Variants in NFATC3 observed in about 807,000 individuals in gnomAD.
The protein encoded by NFATC3 is nuclear factor of activated T cells 3.
Under a neutral mutation model 98.6 loss-of-function variants are expected in NFATC3, and 46 were observed. The ratio of observed to expected loss-of-function variants is 0.47; its 90% confidence interval spans 0.37 to 0.60. NFATC3 has a LOEUF of 0.60. NFATC3 is among the 20% of genes least tolerant of loss of function. The pLI, the probability that NFATC3 is intolerant of heterozygous loss-of-function variation, is 0.00. For missense variants in NFATC3, 1,256 were observed against 1,295.5 expected (o/e 0.97, Z 0.47); for synonymous variants, 512 against 472.2 (o/e 1.08, Z -1.09).
intron 8 of NFATC3, among the ~76,000 whole-genome samples, chr16:68,184,869 A>G (rs1192136737): frequency 1.3e-5 from 2 of 152,184 alleles, no homozygotes; most frequent in Non-Finnish European, 2.9e-5. Flanking sequence ...AAAGAGAGAG[A>G]AAGTTCTCTA....
chr16:68,114,890 G>A (rs1312266514), intron 1 of NFATC3, among the ~76,000 whole-genome samples: 1 of 152,054 alleles, frequency 6.6e-6, no homozygotes, highest in Non-Finnish European at 1.5e-5. Flanking sequence ...CACTTTTTAA[G>A]GAAATCGTTT....
At chr16:68,137,338 T>G in intron 3 of NFATC3, among the ~76,000 whole-genome samples, 1 of 152,166 alleles carries the variant, frequency 6.6e-6, no homozygotes, top group East Asian at 1.9e-4. Context: ...AGCCCAGGCC[T>G]TCACAGAGTC....
chr16:68,151,975 A>G (rs1487019615), intron 3 of NFATC3, among the ~76,000 whole-genome samples: 1 of 151,398 alleles, frequency 6.6e-6, no homozygotes, highest in Non-Finnish European at 1.5e-5. Flanking sequence ...AGGCTGAGGC[A>G]GGAGAATCAC....
chr16:68,109,957 T>G (rs891318091), intron 1 of NFATC3, among the ~76,000 whole-genome samples: 1 of 152,234 alleles, frequency 6.6e-6, no homozygotes, highest in African/African-American at 2.4e-5. Context: ...ATTTGATTCT[T>G]GTCTCTTTTC....
chr16:68,154,066 AC>A (rs2038483128), intron 3 of NFATC3, among the ~76,000 whole-genome samples: 2 of 151,970 alleles, frequency 1.3e-5, no homozygotes, highest in Non-Finnish European at 2.9e-5. Context: ...ACAGGAGCAC[AC>A]CACCATGCTC....
intron 1 of NFATC3, among the ~76,000 whole-genome samples, chr16:68,108,140 C>G (rs1433851788): frequency 6.6e-6 from 1 of 152,138 alleles, no homozygotes; most frequent in Admixed American, 6.6e-5. Context: ...ATCAAGAAAT[C>G]TTTGCCCATG....
At chr16:68,114,157 A>G (rs936959743) in intron 1 of NFATC3, among the ~76,000 whole-genome samples, 1 of 152,174 alleles carries the variant, frequency 6.6e-6, no homozygotes, top group Non-Finnish European at 1.5e-5. Context: ...GCAGGGTAGC[A>G]CAGTTACTCA....
At chr16:68,219,157 G>A (rs13339644) in intron 9 of NFATC3, among the ~76,000 whole-genome samples, 4,148 of 151,800 alleles carry the variant, frequency 0.027, 182 homozygotes, top group African/African-American at 0.093. Context: ...AGGCTGAAGC[G>A]GGCAGATCAC....
chr16:68,089,365 C>T (rs1306648048), intron 1 of NFATC3: 6 of 844,198 alleles, frequency 7.1e-6, no homozygotes, highest in Non-Finnish European at 7.1e-6. Context: ...TTTAAGACTA[C>T]TGTTTGCGAG....
intron 1 of NFATC3, among the ~76,000 whole-genome samples, chr16:68,092,149 T>C (rs1011037727): frequency 1.1e-4 from 16 of 152,174 alleles, no homozygotes; most frequent in African/African-American, 3.4e-4. Flanking sequence ...TTCTAGTTAA[T>C]ATTAGTTAAT....
rs2040403741 is a variant in NFATC3, at chr16:68,190,956, C to T, written c.2287C>T (p.His763Tyr). The change falls in exon 9 of 10, where the codon CAT (histidine) becomes TAT (tyrosine). Residue 763 changes from histidine to tyrosine, a missense_variant. His to Tyr is a moderately conservative substitution (Grantham distance 83). This residue lies in a region of NFATC3 where 636 missense variants were observed against 617.3 expected (regional missense o/e 1.03). Coordinates refer to ENST00000346183, the MANE Select transcript of NFATC3 (RefSeq NM_173165.3). Reference sequence around the variant, plus strand: ...ATATGCATCCATGGTGACCTCATCCCATCTGCCACAGTTGCAGTGTAGAGA... The same window carrying T: ...ATATGCATCCATGGTGACCTCATCCTATCTGCCACAGTTGCAGTGTAGAGA... Reference protein sequence around the residue: ...QTYASMVTSSHLPQLQCRDES... With the variant: ...QTYASMVTSSYLPQLQCRDES... The T allele has an allele frequency of 1.9e-6, 3 of 1,614,220 alleles. No homozygotes were observed. The highest frequency in any genetic ancestry group is 4.5e-5 in the East Asian group (2 of 44,886).
intron 6 of NFATC3, among the ~76,000 whole-genome samples, chr16:68,180,252 A>G (rs1369557346): frequency 6.6e-6 from 1 of 152,242 alleles, no homozygotes; most frequent in Non-Finnish European, 1.5e-5. Flanking sequence ...AACATCTGAA[A>G]TATAATCTCA....
At chr16:68,146,698 T>A (rs1240682250) in intron 3 of NFATC3, among the ~76,000 whole-genome samples, 6 of 152,264 alleles carry the variant, frequency 3.9e-5, no homozygotes, top group Non-Finnish European at 5.9e-5. Flanking sequence ...CTTATTGAAG[T>A]TGCTGTAGTC....
At chr16:68,086,858 CATAATTTATA>C in intron 1 of NFATC3, 2 of 855,784 alleles carry the variant, frequency 2.3e-6, no homozygotes, top group Non-Finnish European at 2.8e-6. Flanking sequence ...CACTGTAGTA[CATAATTTATA>C]ATAGTTATGT....
chr16:68,191,396 G>A lies in NFATC3; in HGVS notation c.2727G>A (p.Gln909=), dbSNP rs558633502. Reference sequence around the variant, plus strand: ...AGATTACAGGTCAGCCTTCGTCTCAGTTACAACCTATTACATATGGTCCTT... The same window carrying A: ...AGATTACAGGTCAGCCTTCGTCTCAATTACAACCTATTACATATGGTCCTT... ...ADQITGQPSS[Q]LQPITYGPSH... Residue 909 remains glutamine (Q), a synonymous_variant, in exon 9 of 10, where the codon CAG becomes CAA. Coordinates refer to ENST00000346183, the MANE Select transcript of NFATC3 (RefSeq NM_173165.3). The A allele has an allele frequency of 9.9e-6, 16 of 1,614,116 alleles. No individual in the cohort carries two copies. The highest frequency in any genetic ancestry group is 1.3e-5 in the Non-Finnish European group (15 of 1,180,016).
At chr16:68,087,791 G>A (rs1463580184) in intron 1 of NFATC3, among the ~76,000 whole-genome samples, 1 of 152,098 alleles carries the variant, frequency 6.6e-6, no homozygotes, top group Non-Finnish European at 1.5e-5. Flanking sequence ...TATATAAATA[G>A]GATAATATAA....
intron 4 of NFATC3, among the ~76,000 whole-genome samples, chr16:68,163,513 C>T (rs1231563969): frequency 6.6e-6 from 1 of 151,092 alleles, no homozygotes; most frequent in Non-Finnish European, 1.5e-5. Context: ...CCACTTCCCT[C>T]CCGGACGGGG....
intron 1 of NFATC3, chr16:68,086,904 A>G (rs919712225): frequency 8.3e-5 from 48 of 576,746 alleles, no homozygotes; most frequent in African/African-American, 8.3e-4. Flanking sequence ...TTTCAATTCC[A>G]TTAACATAAT....
chr16:68,166,553 G>A (rs994658729), intron 4 of NFATC3, among the ~76,000 whole-genome samples: 3 of 152,152 alleles, frequency 2.0e-5, no homozygotes, highest in Non-Finnish European at 4.4e-5. Context: ...AAGGAGAGCA[G>A]GCATAGATAC....
Sources: gnomAD v4.1 joint callset for allele counts (sites outside exome capture counted in the v4.1 genomes callset) on GRCh38, gnomAD v4.1.1 for gene constraint, gnomAD v4.1.1 regional missense constraint, MANE v1.5 for transcripts, NCBI Gene and HGNC (gene_info 2026-07-23, HGNC 2026-07-21) for gene names.